Variants in PRSS23 observed in about 807,000 individuals in gnomAD.
PRSS23 encodes serine protease 23.
A neutral mutation model predicts 34.7 loss-of-function variants in PRSS23; 25 were observed. The ratio of observed to expected loss-of-function variants is 0.72; its 90% CI spans 0.53 to 1.01. PRSS23 has a LOEUF of 1.01. Among genes scored for constraint, PRSS23 ranks in the 50% least tolerant of loss-of-function variants. PRSS23 has a pLI of 0.00. For synonymous variants in PRSS23, 176 were observed against 186.6 expected, an observed-to-expected ratio of 0.94 and a Z score of 0.46; for missense variants, 445 against 475.6, an observed-to-expected ratio of 0.94 and a Z score of 0.60.
At chr11:86,915,311 C>T (rs1949004517) in intron 2 of PRSS23, among the ~76,000 whole-genome samples, 1 of 152,038 alleles carries the variant, frequency 6.6e-6, no homozygotes, top group South Asian at 2.1e-4. Context: ...CAGAGTGTGG[C>T]AATAGGTAGT....
At chr11:86,908,733 G>C (rs970977368) in intron 2 of PRSS23, among the ~76,000 whole-genome samples, 1 of 152,140 alleles carries the variant, frequency 6.6e-6, no homozygotes, top group Admixed American at 6.5e-5. Context: ...AGACGTGAAA[G>C]TGGTGTGAGG....
chr11:86,947,761 T>G (rs886866749), intron 2 of PRSS23: 1 of 152,272 alleles, frequency 6.6e-6, no homozygotes, highest in African/African-American at 2.4e-5. Context: ...CCATGTTCCC[T>G]TGCCCTGAGG....
At chr11:86,923,982 G>C (rs1949063652) in intron 2 of PRSS23, among the ~76,000 whole-genome samples, 1 of 152,132 alleles carries the variant, frequency 6.6e-6, no homozygotes, top group Admixed American at 6.6e-5. Flanking sequence ...ATTGTAAAAG[G>C]GTATACAAGA....
intron 2 of PRSS23, among the ~76,000 whole-genome samples, chr11:86,836,483 C>T (rs1485201707): frequency 1.3e-5 from 2 of 152,134 alleles, no homozygotes; most frequent in Non-Finnish European, 2.9e-5. Context: ...TGTTCCTTTT[C>T]CTATGTTCAG....
chr11:86,950,834 T>C, intron 2 of PRSS23: 1 of 445,984 alleles, frequency 2.2e-6, no homozygotes. Context: ...GCCCTGGACT[T>C]CCTGGAATCT....
At chr11:86,884,197 C>G (rs1050430572) in intron 2 of PRSS23, among the ~76,000 whole-genome samples, 1 of 152,216 alleles carries the variant, frequency 6.6e-6, no homozygotes, top group South Asian at 2.1e-4. Context: ...CTCATCATCT[C>G]TCTCCTTGAC....
chr11:86,880,619 G>T (rs1020921102), intron 2 of PRSS23, among the ~76,000 whole-genome samples: 2 of 151,944 alleles, frequency 1.3e-5, no homozygotes, highest in Non-Finnish European at 2.9e-5. Context: ...CCTGCATTAG[G>T]TATTTGTCCT....
intron 2 of PRSS23, among the ~76,000 whole-genome samples, chr11:86,864,833 A>G (rs931367245): frequency 6.6e-6 from 1 of 152,142 alleles, no homozygotes; most frequent in African/African-American, 2.4e-5. Flanking sequence ...CCTGTCCTTC[A>G]TCTTTAAAGT....
chr11:86,835,969 G>A (rs543912741), intron 2 of PRSS23, among the ~76,000 whole-genome samples: 88 of 152,182 alleles, frequency 5.8e-4, no homozygotes, highest in African/African-American at 1.5e-3. Context: ...GAACCCTTTC[G>A]GTAAAACAGT....
Position 86,810,091 on chromosome 11 carries a change from C to A in PRSS23, c.*1296C>A, listed in dbSNP as rs1289992582. On this transcript the variant is annotated 3_prime_UTR_variant, in exon 2 of 2. Coordinates refer to ENST00000280258, the MANE Select transcript of PRSS23 (RefSeq NM_007173.6). ...GAATGCAAAATGGATCAGAATCATG[C>A]CTTCCAATAAAGGCCTTTACACATG... The A allele has an allele frequency of 6.0e-6, 1 of 165,768 alleles. No homozygotes were observed. Among genetic ancestry groups the A allele is most frequent in the Non-Finnish European group, 1.5e-5 (1 of 68,100 alleles). 10.3% of individuals were successfully genotyped at this position (165,768 alleles called of 1,614,324 possible).
At chr11:86,878,236 C>CCCTCTCCCTCATCTCCGTCTT (rs1192179901) in intron 2 of PRSS23, among the ~76,000 whole-genome samples, 30 of 146,220 alleles carry the variant, frequency 2.1e-4, no homozygotes, top group South Asian at 1.8e-3. Context: ...CCCTCCCCCT[C>CCCTCTCCCTCATCTCCGTCTT]CCTCTCCCTC....
At chr11:86,845,723 A>C (rs540362526) in intron 2 of PRSS23, among the ~76,000 whole-genome samples, 1 of 152,036 alleles carries the variant, frequency 6.6e-6, no homozygotes, top group South Asian at 2.1e-4. Flanking sequence ...GAAAGCTATA[A>C]ACAGCAAAAA....
At chr11:86,815,571 G>T (rs1166194386), downstream of PRSS23, among the ~76,000 whole-genome samples, 1 of 152,184 alleles carries the variant, frequency 6.6e-6, no homozygotes, top group Non-Finnish European at 1.5e-5. Context: ...TGTTTTGTAT[G>T]TATTCTGTTC....
intron 2 of PRSS23, among the ~76,000 whole-genome samples, chr11:86,930,411 C>T (rs372602746): frequency 6.6e-6 from 1 of 152,202 alleles, no homozygotes; most frequent in African/African-American, 2.4e-5. Context: ...CTAACTTAGT[C>T]TACAGGGCCT....
At chr11:86,836,969 T>C (rs1948410711) in intron 2 of PRSS23, 1 of 152,308 alleles carries the variant, frequency 6.6e-6, no homozygotes, top group East Asian at 1.9e-4. Flanking sequence ...TATTGTGCAG[T>C]TCTGACAAAC....
At chr11:86,902,679 G>T (rs1165908295) in intron 2 of PRSS23, among the ~76,000 whole-genome samples, 1 of 152,148 alleles carries the variant, frequency 6.6e-6, no homozygotes, top group African/African-American at 2.4e-5. Context: ...TAGAAAGACA[G>T]TTTAAAAAAA....
chr11:86,805,776 T>C (rs538640096), intron 1 of PRSS23, among the ~76,000 whole-genome samples: 1 of 152,328 alleles, frequency 6.6e-6, no homozygotes, highest in South Asian at 2.1e-4. Flanking sequence ...CTACATCAGA[T>C]CATTGGGATT....
chr11:86,833,049 A>G (rs866294010), intron 2 of PRSS23: 4 of 506,992 alleles, frequency 7.9e-6, no homozygotes, highest in East Asian at 4.2e-5. Flanking sequence ...ACATGGGTTC[A>G]TGATGGCTGA....
At chr11:86,890,278 A>C (rs1439466202) in intron 2 of PRSS23, among the ~76,000 whole-genome samples, 1 of 151,980 alleles carries the variant, frequency 6.6e-6, no homozygotes, top group East Asian at 1.9e-4. Context: ...TCCAAAAAAA[A>C]AAAATTTCCC....
Sources: gnomAD v4.1 joint callset for allele counts (sites outside exome capture counted in the v4.1 genomes callset) on GRCh38, gnomAD v4.1.1 for gene constraint, MANE v1.5 for transcripts, NCBI Gene and HGNC (gene_info 2026-07-23, HGNC 2026-07-21) for gene names.